PI4KB: variants seen among roughly 807,000 people sequenced by gnomAD.
PI4KB encodes phosphatidylinositol 4-kinase beta.
PI4KB carries 23 observed loss-of-function variants against 81.4 expected under a neutral mutation model. The ratio of observed to expected loss-of-function variants is 0.28; its 90% CI spans 0.20 to 0.40. The LOEUF is 0.40. PI4KB is among the 10% of genes least tolerant of loss of function. The pLI, the probability that PI4KB is intolerant of heterozygous loss-of-function variation, is 1.00. For synonymous variants in PI4KB, 381 were observed against 406.8 expected (o/e 0.94, Z 0.76); for missense variants, 651 against 1,036.6 (o/e 0.63, Z 5.11).
intron 11 of PI4KB, 46 bp downstream of exon 11, chr1:151,293,967 TTAAAG>T: frequency 6.2e-7 from 1 of 1,610,746 alleles, no homozygotes; most frequent in Non-Finnish European, 8.5e-7. Context: ...GGGCTCCGAC[TTAAAG>T]GGGAAGCCTG....
chr1:151,319,300 A>G (rs1261255292), intron 1 of PI4KB, among the ~76,000 whole-genome samples: 1 of 152,198 alleles, frequency 6.6e-6, no homozygotes, highest in Non-Finnish European at 1.5e-5. Context: ...TCTCAAAAAA[A>G]AAAAAAAGAA....
At chr1:151,315,447 C>T (rs2101990450) in intron 2 of PI4KB, 126 bp downstream of exon 2, 4 of 716,094 alleles carry the variant, frequency 5.6e-6, no homozygotes, top group Non-Finnish European at 7.4e-6. Flanking sequence ...ACATTCCATG[C>T]TTTTATCAGT....
Position 151,301,837 on chromosome 1 carries a change from C to G in PI4KB, c.1749+7G>C. ...ACTGTGCCTGGCCTCTCCTTCTCTT[C>G]TCTTACCTGCAGTTGCTTCAACACC... On this transcript the variant is annotated splice_region_variant and intron_variant, in intron 8 of 11. Transcript: ENST00000368873. 1 of 1,613,654 alleles carries G rather than the reference C, an allele frequency of 6.2e-7. No homozygotes were observed. Among genetic ancestry groups the G allele is most frequent in the Non-Finnish European group, 8.5e-7 (1 of 1,179,878 alleles).
At chr1:151,326,088 C>T in intron 1 of PI4KB, 1 of 1,260,238 alleles carries the variant, frequency 7.9e-7, no homozygotes, top group Non-Finnish European at 1.2e-6. Flanking sequence ...CCTCATGGAT[C>T]TGGACAGGGG....
upstream of PI4KB, chr1:151,327,446 G>A (rs1649827663): frequency 2.5e-6 from 1 of 397,320 alleles, no homozygotes; most frequent in African/African-American, 2.1e-5. Flanking sequence ...CGCCTGAGGG[G>A]GCCTTCAGGC....
chr1:151,307,314 A>G (rs756038510), intron 4 of PI4KB, among the ~76,000 whole-genome samples: 8 of 152,194 alleles, frequency 5.3e-5, no homozygotes, highest in Non-Finnish European at 1.2e-4. Context: ...GTGAAGAGCA[A>G]TTCTCCTAAG....
At chr1:151,313,054 G>A (rs889326652) in intron 2 of PI4KB, among the ~76,000 whole-genome samples, 7 of 132,188 alleles carry the variant, frequency 5.3e-5, no homozygotes, top group African/African-American at 2.1e-4. Flanking sequence ...ACGGGTGGGC[G>A]GAAGGAAGGA....
intron 2 of PI4KB, among the ~76,000 whole-genome samples, chr1:151,310,611 C>A (rs1696141877): frequency 6.6e-6 from 1 of 152,128 alleles, no homozygotes; most frequent in South Asian, 2.1e-4. Flanking sequence ...AGCTTCCCTG[C>A]TCTTTTTTTT....
chr1:151,316,282 G>A lies in PI4KB; in HGVS notation c.200C>T (p.Ala67Val), dbSNP rs570808835. The stretch of plus-strand genomic sequence containing the variant: ...CAGTGGGGTGCCTCTGCTAGAGACT[G>A]CCACGCCTCCATGCAAAAGCTTGAC... ...EKVKLLHGGV[A>V]VSSRGTPLEL... Residue 67 changes from alanine (A) to valine (V), a missense_variant, in exon 2 of 12, where the codon GCA (alanine) becomes GTA (valine). Ala to Val is a moderately conservative substitution (Grantham distance 64). This residue lies in a region of PI4KB where 314 missense variants were observed against 397.8 expected (regional missense o/e 0.79). Coordinates refer to ENST00000368873, the MANE Select transcript of PI4KB (RefSeq NM_001369623.2). 1.3e-5 allele frequency: 21 copies of A among 1,614,160 alleles called. No homozygotes were observed. The South Asian group carries it at 2.2e-4, about 17-fold the overall frequency.
intron 1 of PI4KB, among the ~76,000 whole-genome samples, chr1:151,323,709 ACGAGACTCCAT>A (rs1649191283): frequency 6.6e-6 from 1 of 152,064 alleles, no homozygotes; most frequent in Non-Finnish European, 1.5e-5. Context: ...GGGCGACAGA[ACGAGACTCCAT>A]CTCAAACAAA....
At chr1:151,314,061 T>C (rs748284009) in intron 2 of PI4KB, among the ~76,000 whole-genome samples, 24 of 152,272 alleles carry the variant, frequency 1.6e-4, no homozygotes, top group Non-Finnish European at 7.3e-5. Context: ...ATGTTAGCAC[T>C]TTTAGCTTTA....
At chr1:151,304,035 G>A (rs587752064) in intron 5 of PI4KB, among the ~76,000 whole-genome samples, 5 of 152,240 alleles carry the variant, frequency 3.3e-5, no homozygotes, top group African/African-American at 9.6e-5. Flanking sequence ...ATAGGGATGC[G>A]TTCTCCCCTA....
chr1:151,303,038 G>A (rs1486444677), intron 6 of PI4KB, among the ~76,000 whole-genome samples: 6 of 110,440 alleles, frequency 5.4e-5, no homozygotes, highest in South Asian at 5.9e-4. Flanking sequence ...TCGTTCTGTC[G>A]CCCAGGCTGG....
rs555905291 is a variant in PI4KB at position 151,325,594 on chromosome 1, C to T, written c.-29+1677G>A. 2.0e-5 allele frequency among the ~76,000 whole-genome samples: 3 copies of T among 152,234 alleles called. No individual in the cohort carries two copies. The East Asian group carries it at 5.8e-4, about 29-fold the overall frequency. On this transcript the variant is annotated intron_variant, in intron 1 of 11. Coordinates refer to ENST00000368873, the MANE Select transcript of PI4KB (RefSeq NM_001369623.2). ...TGGATCAAGTACGTGAGGAACAGGA[C>T]AGAAAATCAGCCACTTAATGCACTG...
chr1:151,307,611 G>C lies in PI4KB; in HGVS notation c.1145C>G (p.Pro382Arg). The stretch of plus-strand genomic sequence containing the variant: ...GTTGAGGACAACAGCCTGTGTGTGG[G>C]GTACACGGACCACGTGGTGGTCAAA... ...AGFDHHVVRV[P>R]HTQAVVLNSK... The change falls in exon 4 of 12, where the codon CCC becomes CGC. Residue 382 changes from proline to arginine, a missense_variant. This residue lies in a region of PI4KB where 246 missense variants were observed against 430.1 expected (regional missense o/e 0.57). Transcript: ENST00000368873. The C allele has an allele frequency of 6.2e-7, 1 of 1,614,072 alleles. No homozygotes were observed. Among genetic ancestry groups the C allele is most frequent in the Non-Finnish European group, 8.5e-7 (1 of 1,179,946 alleles).
intron 1 of PI4KB, among the ~76,000 whole-genome samples, chr1:151,318,803 G>A (rs573878999): frequency 6.6e-5 from 10 of 151,910 alleles, no homozygotes; most frequent in East Asian, 5.8e-4. Flanking sequence ...TTTTAAACTC[G>A]AAGTTCCCAG....
At chr1:151,318,857 A>G (rs1397623768) in intron 1 of PI4KB, among the ~76,000 whole-genome samples, 1 of 152,210 alleles carries the variant, frequency 6.6e-6, no homozygotes, top group Non-Finnish European at 1.5e-5. Context: ...CACTTAGAAG[A>G]AGGCAGCTCT....
intron 3 of PI4KB, among the ~76,000 whole-genome samples, chr1:151,309,352 G>A (rs1028277969): frequency 1.2e-4 from 18 of 152,234 alleles, no homozygotes; most frequent in African/African-American, 4.1e-4. Flanking sequence ...AGTTACGTGA[G>A]CATGTTAGAA....
intron 11 of PI4KB, 118 bp downstream of exon 11, chr1:151,293,900 C>A: frequency 8.6e-7 from 1 of 1,161,124 alleles, no homozygotes; most frequent in Non-Finnish European, 1.2e-6. Flanking sequence ...GCTAGAAACT[C>A]TCTGGGAACC....
Sources: gnomAD v4.1 joint callset for allele counts (sites outside exome capture counted in the v4.1 genomes callset) on GRCh38, gnomAD v4.1.1 for gene constraint, gnomAD v4.1.1 regional missense constraint, MANE v1.5 for transcripts, NCBI Gene and HGNC (gene_info 2026-07-23, HGNC 2026-07-21) for gene names.